The following DACH2 variants were observed in gnomAD, a reference collection of about 807,000 sequenced individuals.
The protein encoded by DACH2 is dachshund family transcription factor 2.
A neutral mutation model predicts 35.8 loss-of-function variants in DACH2; 17 were observed. That is an observed-to-expected ratio of 0.48 (90% CI 0.33 to 0.71). The LOEUF is 0.71. DACH2 is among the 30% of genes least tolerant of loss of function. DACH2 has a pLI of 0.02. For missense variants in DACH2, 469 were observed against 472.7 expected, an observed-to-expected ratio of 0.99 and a Z score of 0.07; for synonymous variants, 195 against 177.3, an observed-to-expected ratio of 1.10 and a Z score of -0.79.
In DACH2 at chrX:86,376,819, T is replaced by A. The variant is rs989360570; in HGVS notation, c.489-5T>A. On this transcript the variant is annotated splice_region_variant and splice_polypyrimidine_tract_variant and intron_variant, in intron 1 of 11. Coordinates refer to ENST00000373125, the MANE Select transcript of DACH2 (RefSeq NM_053281.3). The stretch of plus-strand genomic sequence containing the variant: ...TATTTATTTTCTGCTACACTCTCCT[T>A]TTAGAAGGAAGAGGCAAATGACAAG... 17 of 1,058,508 alleles carry A rather than the reference T, an allele frequency of 1.6e-5. No homozygotes were observed. The highest frequency in any genetic ancestry group is 2.1e-5 in the Non-Finnish European group (16 of 768,914). The allele number at this position is 1,058,508 out of a possible 1,213,427, so 87.2% of individuals were successfully genotyped here.
At position 86,391,282 on chromosome X, in the gene DACH2, TAAAAAAAAAAAAAAAAAAAAA is replaced by T. The variant is rs55941702; in HGVS notation, c.527+14440_527+14460del. On this transcript the variant is annotated intron_variant, in intron 2 of 11. Coordinates refer to ENST00000373125, the MANE Select transcript of DACH2 (RefSeq NM_053281.3). ...TGGGTGACAGAGTGAGGCTCTGTCT[TAAAAAAAAAAAAAAAAAAAAA>T]AAAAAAAAAAAAAAAAAAAGACTGG... 4.5e-3 allele frequency among the ~76,000 whole-genome samples: 96 copies of T among 21,433 alleles called. 1 individual carries two copies. The highest frequency in any genetic ancestry group is 0.012 in the African/African-American group (67 of 5,548). The allele number at this position is 21,433 out of a possible 115,157, so 18.6% of individuals were successfully genotyped here. A position where few individuals can be genotyped will look rare whatever the true frequency, so the allele number is the denominator to read the frequency against.
intron 2 of DACH2, chrX:86,481,936 A>G (rs1296355049): frequency 8.9e-6 from 1 of 112,380 alleles, no homozygotes; most frequent in Non-Finnish European, 1.9e-5. Flanking sequence ...TTGCTCTATT[A>G]TAAGCTATTT....
At chrX:86,527,066 G>A (rs921050790) in intron 3 of DACH2, among the ~76,000 whole-genome samples, 10 of 110,872 alleles carry the variant, frequency 9.0e-5, no homozygotes, top group Non-Finnish European at 1.5e-4. Context: ...TGAGGTGAGG[G>A]TAAGAAAGGA....
At chrX:86,205,282 A>C (rs2032255871) in intron 1 of DACH2, among the ~76,000 whole-genome samples, 1 of 110,951 alleles carries the variant, frequency 9.0e-6, no homozygotes. Flanking sequence ...AGTGTGCCCA[A>C]TAGAAAATGA....
intron 1 of DACH2, among the ~76,000 whole-genome samples, chrX:86,234,382 C>T (rs1303318096): frequency 1.8e-5 from 2 of 111,236 alleles, no homozygotes; most frequent in Non-Finnish European, 3.8e-5. Flanking sequence ...ATCTGAAATA[C>T]TCAATATTCT....
At chrX:86,305,079 C>A (rs1290161604) in intron 1 of DACH2, 1 of 147,739 alleles carries the variant, frequency 6.8e-6, no homozygotes, top group Non-Finnish European at 1.5e-5. Flanking sequence ...GGTCATCACC[C>A]TGAAGTTCTG....
At chrX:86,703,177 C>G (rs1479624633) in intron 5 of DACH2, among the ~76,000 whole-genome samples, 1 of 72,715 alleles carries the variant, frequency 1.4e-5, no homozygotes, top group Non-Finnish European at 2.6e-5. Flanking sequence ...AGCATATGAT[C>G]ATCTCAATAA....
chrX:86,398,076 G>T (rs1428305933), intron 2 of DACH2, among the ~76,000 whole-genome samples: 6 of 111,900 alleles, frequency 5.4e-5, no homozygotes, highest in South Asian at 3.7e-4. Context: ...GCCTGTTATT[G>T]GTCTATTCAG....
At chrX:86,760,344 G>T (rs1018655113) in intron 7 of DACH2, among the ~76,000 whole-genome samples, 1 of 111,338 alleles carries the variant, frequency 9.0e-6, no homozygotes, top group Non-Finnish European at 1.9e-5. Context: ...TTGAATATTT[G>T]ATCATTTTAT....
At chrX:86,462,054 C>G (rs927103544) in intron 2 of DACH2, among the ~76,000 whole-genome samples, 7 of 111,014 alleles carry the variant, frequency 6.3e-5, no homozygotes, top group African/African-American at 2.3e-4. Context: ...AGACTATCAA[C>G]AGAGAAATGT....
chrX:86,261,492 C>T (rs191275181), intron 1 of DACH2, among the ~76,000 whole-genome samples: 19 of 111,696 alleles, frequency 1.7e-4, no homozygotes, highest in African/African-American at 5.9e-4. Context: ...TTTCTACTGC[C>T]TTGTGGCTTT....
At chrX:86,822,651 C>T (rs767233390) in intron 11 of DACH2, among the ~76,000 whole-genome samples, 81 of 111,625 alleles carry the variant, frequency 7.3e-4, no homozygotes, top group Non-Finnish European at 1.2e-3. Flanking sequence ...AGTATTTTCC[C>T]ATGCAAAACA....
At position 86,401,133 on chromosome X, in the gene DACH2, G is replaced by A. The variant is rs373707510; in HGVS notation, c.527+24271G>A. Among the ~76,000 whole-genome samples, 19 of 112,119 alleles carry A rather than the reference G, an allele frequency of 1.7e-4. No individual in the cohort carries two copies. In the East Asian group the frequency reaches 4.5e-3, roughly 27 times the overall value. Reference sequence around the variant, plus strand: ...CCTTGCAGTTTGATCTCAGACTGCTGTGCTAGCAATGATTGAGGCTCCGTG... The same window carrying A: ...CCTTGCAGTTTGATCTCAGACTGCTATGCTAGCAATGATTGAGGCTCCGTG... On this transcript the variant is annotated intron_variant, in intron 2 of 11. Coordinates refer to ENST00000373125, the MANE Select transcript of DACH2 (RefSeq NM_053281.3).
At chrX:86,201,658 C>A (rs762648555) in intron 1 of DACH2, among the ~76,000 whole-genome samples, 2 of 110,492 alleles carry the variant, frequency 1.8e-5, no homozygotes, top group South Asian at 3.8e-4. Context: ...AAAATATAGA[C>A]CAGTAAGTCA....
chrX:86,405,182 T>G (rs1023940200), intron 2 of DACH2, among the ~76,000 whole-genome samples: 1 of 111,853 alleles, frequency 8.9e-6, no homozygotes, highest in Non-Finnish European at 1.9e-5. Flanking sequence ...CCCCATTGTC[T>G]TGGTGATTAA....
intron 1 of DACH2, among the ~76,000 whole-genome samples, chrX:86,191,437 A>G (rs1425390395): frequency 9.0e-6 from 1 of 111,120 alleles, no homozygotes; most frequent in East Asian, 2.8e-4. Context: ...AAGTATATAT[A>G]GACACAAAGA....
intron 1 of DACH2, among the ~76,000 whole-genome samples, chrX:86,296,981 C>A (rs188311227): frequency 9.4e-6 from 1 of 106,064 alleles, no homozygotes; most frequent in Non-Finnish European, 1.9e-5. Flanking sequence ...TGCAAACATA[C>A]GTTTTCTGGC....
chrX:86,555,570 T>C (rs1415613081), intron 3 of DACH2, among the ~76,000 whole-genome samples: 4 of 111,789 alleles, frequency 3.6e-5, no homozygotes, highest in Non-Finnish European at 7.5e-5. Flanking sequence ...CTGTTAGTTT[T>C]GGGTATTTTA....
intron 3 of DACH2, among the ~76,000 whole-genome samples, chrX:86,597,774 A>G (rs2148355267): frequency 8.9e-6 from 1 of 111,855 alleles, no homozygotes. Context: ...GTCTCCGATC[A>G]TTATTAGAAT....
Sources: allele counts gnomAD v4.1 joint callset (sites outside exome capture counted in the v4.1 genomes callset), GRCh38; gene constraint gnomAD v4.1.1; transcripts MANE v1.5; gene names NCBI Gene and HGNC (gene_info 2026-07-23, HGNC 2026-07-21).